LNX1: variants seen among roughly 807,000 people sequenced by gnomAD.
The protein encoded by LNX1 is ligand of numb-protein X 1, also known as E3 ubiquitin-protein ligase LNX.
A neutral mutation model predicts 68.4 loss-of-function variants in LNX1; 54 were observed. That is an observed-to-expected ratio of 0.79 (90% CI 0.63 to 0.99). The LOEUF (loss-of-function observed/expected upper bound fraction) is 0.99, where lower values mean the gene tolerates loss of function less well. LNX1 is among the 50% of genes least tolerant of loss of function. The probability of loss-of-function intolerance (pLI) is 0.00; values close to 1 mark genes in which losing one functional copy is unlikely to be tolerated. For synonymous variants in LNX1, 336 were observed against 350.0 expected (o/e 0.96, Z 0.45); for missense variants, 906 against 926.4 (o/e 0.98, Z 0.29).
intron 2 of LNX1, among the ~76,000 whole-genome samples, chr4:53,564,829 TG>T (rs1329762618): frequency 1.1e-4 from 16 of 152,174 alleles, no homozygotes; most frequent in African/African-American, 3.9e-4. Flanking sequence ...TTGCCTCACT[TG>T]GGAAGCGCAA....
At chr4:53,541,269 A>T (rs1728749559) in intron 2 of LNX1, among the ~76,000 whole-genome samples, 1 of 152,178 alleles carries the variant, frequency 6.6e-6, no homozygotes, top group African/African-American at 2.4e-5. Context: ...TTAGCAACTG[A>T]ATCAACTTCA....
intron 2 of LNX1, among the ~76,000 whole-genome samples, chr4:53,600,238 A>G (rs1308506809): frequency 6.6e-6 from 1 of 152,158 alleles, no homozygotes; most frequent in Admixed American, 6.5e-5. Flanking sequence ...AATTCTTCAA[A>G]CTTTTTCCCA....
intron 1 of LNX1, among the ~76,000 whole-genome samples, chr4:53,576,968 G>T (rs1731529919): frequency 6.6e-6 from 1 of 152,230 alleles, no homozygotes. Context: ...CTAGTGAAGA[G>T]GTTGCTGGCA....
At chr4:53,627,936 C>T (rs2109868162) in intron 1 of LNX1, among the ~76,000 whole-genome samples, 1 of 152,314 alleles carries the variant, frequency 6.6e-6, no homozygotes, top group South Asian at 2.1e-4. Context: ...CCTGGATTTA[C>T]ATCATTCTGA....
chr4:53,615,686 T>C (rs952965075), intron 2 of LNX1, among the ~76,000 whole-genome samples: 2 of 152,240 alleles, frequency 1.3e-5, no homozygotes, highest in Non-Finnish European at 2.9e-5. Flanking sequence ...AATACAACCA[T>C]GCCTTATTAA....
chr4:53,613,422 A>T (rs967612476), intron 2 of LNX1, among the ~76,000 whole-genome samples: 5 of 151,876 alleles, frequency 3.3e-5, no homozygotes, highest in African/African-American at 1.2e-4. Flanking sequence ...AACATGTGTC[A>T]TGGGGTTTAG....
intron 2 of LNX1, among the ~76,000 whole-genome samples, chr4:53,610,667 C>A (rs1733447066): frequency 7.1e-6 from 1 of 140,684 alleles, no homozygotes; most frequent in South Asian, 2.3e-4. Flanking sequence ...GAGATCGCAC[C>A]ACTGTACTCC....
intron 1 of LNX1, among the ~76,000 whole-genome samples, chr4:53,629,683 C>T (rs1734197670): frequency 1.3e-5 from 2 of 152,158 alleles, no homozygotes; most frequent in African/African-American, 4.8e-5. Flanking sequence ...AAAAGACACT[C>T]CTGCTCTGTG....
intron 2 of LNX1, among the ~76,000 whole-genome samples, chr4:53,563,587 T>A (rs1021787838): frequency 4.1e-4 from 61 of 150,216 alleles, no homozygotes; most frequent in African/African-American, 1.5e-3. Flanking sequence ...CAGGCTGGAG[T>A]ACAGTGGTGT....
chr4:53,491,813 T>C (rs2109452934), intron 6 of LNX1, among the ~76,000 whole-genome samples: 1 of 151,264 alleles, frequency 6.6e-6, no homozygotes, highest in South Asian at 2.1e-4. Context: ...TTGTTTGTTT[T>C]TTGAGAAAAG....
At chr4:53,639,309 C>A (rs1335861169) in intron 1 of LNX1, among the ~76,000 whole-genome samples, 3 of 152,014 alleles carry the variant, frequency 2.0e-5, no homozygotes, top group Non-Finnish European at 4.4e-5. Flanking sequence ...AAGATGGCAA[C>A]AATAGGCACT....
Position 53,608,643 on chromosome 4 carries a change from C to T in LNX1, c.-215+7874G>A, listed in dbSNP as rs182152992. ...ACCAGAAGGAATATAAATTTTTCTACCACAAAGACATGCACATGTATGTTA... is the reference window on the plus strand; with the variant it reads ...ACCAGAAGGAATATAAATTTTTCTATCACAAAGACATGCACATGTATGTTA... On this transcript the variant is annotated intron_variant, in intron 2 of 3. Transcript: ENST00000504299. Among the ~76,000 whole-genome samples, 21 of 152,156 alleles carry T rather than the reference C, an allele frequency of 1.4e-4. No homozygotes were observed. The East Asian group carries it at 3.7e-3, about 27-fold the overall frequency.
intron 4 of LNX1, among the ~76,000 whole-genome samples, chr4:53,499,818 G>A (rs1163758799): frequency 6.6e-6 from 1 of 152,198 alleles, no homozygotes; most frequent in Admixed American, 6.5e-5. Context: ...AGGCCTAGTT[G>A]GTGGCCTTGA....
At chr4:53,648,343 T>C (rs1577831780) in intron 1 of LNX1, among the ~76,000 whole-genome samples, 1 of 152,344 alleles carries the variant, frequency 6.6e-6, no homozygotes, top group East Asian at 1.9e-4. Flanking sequence ...GTTTTTGATT[T>C]GCTTTTTCCT....
At chr4:53,641,958 G>T (rs1188585996) in intron 1 of LNX1, among the ~76,000 whole-genome samples, 5 of 152,044 alleles carry the variant, frequency 3.3e-5, no homozygotes, top group Non-Finnish European at 7.4e-5. Context: ...CCAGTCTGAG[G>T]CTATTACCAA....
intron 6 of LNX1, among the ~76,000 whole-genome samples, chr4:53,484,290 C>T (rs1395749511): frequency 6.6e-6 from 1 of 152,106 alleles, no homozygotes; most frequent in African/African-American, 2.4e-5. Context: ...GGAACTAGGA[C>T]CTTGTTTTAA....
intron 8 of LNX1, 151 bp from the exon 9 acceptor site, chr4:53,477,132 G>A: frequency 1.4e-6 from 1 of 713,502 alleles, no homozygotes; most frequent in Non-Finnish European, 2.5e-6. Flanking sequence ...TGCTCACATA[G>A]CAAATGGTAA....
At chr4:53,576,315 G>T in intron 1 of LNX1, 1 of 1,612,788 alleles carries the variant, frequency 6.2e-7, no homozygotes, top group Non-Finnish European at 8.5e-7. Context: ...AGGAGCTGCG[G>T]TACAGCGTGG....
At chr4:53,615,313 G>A (rs1733644811) in intron 2 of LNX1, among the ~76,000 whole-genome samples, 1 of 152,172 alleles carries the variant, frequency 6.6e-6, no homozygotes, top group Non-Finnish European at 1.5e-5. Flanking sequence ...CCCAACAGGA[G>A]GCAGGGAGTA....
Sources: gnomAD v4.1 joint callset for allele counts (sites outside exome capture counted in the v4.1 genomes callset) on GRCh38, gnomAD v4.1.1 for gene constraint, MANE v1.5 for transcripts, NCBI Gene and HGNC (gene_info 2026-07-23, HGNC 2026-07-21) for gene names.